NRXN3: variants seen among roughly 807,000 people sequenced by gnomAD.
NRXN3 encodes the protein neurexin III.
In NRXN3, 32 loss-of-function variants were observed where a neutral mutation model predicts 137.6. That is an observed-to-expected ratio of 0.23 (90% confidence interval 0.18 to 0.31). The LOEUF (loss-of-function observed/expected upper bound fraction) is 0.31, where lower values mean the gene tolerates loss of function less well. NRXN3 is among the 10% of genes least tolerant of loss of function. NRXN3 has a pLI of 1.00. For missense variants in NRXN3, 1,574 were observed against 2,062.5 expected, an observed-to-expected ratio of 0.76 and a Z score of 4.59; for synonymous variants, 798 against 784.5, an observed-to-expected ratio of 1.02 and a Z score of -0.29.
rs1321043032 is a variant in NRXN3 at position 79,772,776 on chromosome 14, T to C, written c.4015-32336T>C. On this transcript the variant is annotated intron_variant, in intron 19 of 20. Coordinates refer to ENST00000335750, the MANE Select transcript of NRXN3 (RefSeq NM_001330195.2). ...GGCAACCAAAGCCAAAATTGACAAA[T>C]GGGATCTAATTAAACTAAAGAGCTT... is the stretch of plus-strand genomic sequence containing the variant. Among the ~76,000 whole-genome samples the C allele has an allele frequency of 9.9e-5, 15 of 151,966 alleles. No homozygotes were observed. In the East Asian group the frequency reaches 2.9e-3, roughly 29 times the overall value.
intron 4 of NRXN3, among the ~76,000 whole-genome samples, chr14:78,341,765 A>C (rs1045794132): frequency 1.3e-4 from 20 of 152,166 alleles, no homozygotes; most frequent in African/African-American, 4.8e-4. Flanking sequence ...AATTATTCAG[A>C]TCTTCAACTA....
At chr14:79,105,312 T>C (rs2052203047) in intron 15 of NRXN3, among the ~76,000 whole-genome samples, 1 of 152,146 alleles carries the variant, frequency 6.6e-6, no homozygotes, top group Non-Finnish European at 1.5e-5. Flanking sequence ...AAAGAACTTC[T>C]TCAGTCACAC....
intron 6 of NRXN3, among the ~76,000 whole-genome samples, chr14:78,691,928 C>A (rs2098174391): frequency 1.3e-5 from 2 of 151,968 alleles, no homozygotes; most frequent in Non-Finnish European, 2.9e-5. Context: ...AAAAGCATGA[C>A]CAATAAACAA....
chr14:78,925,764 A>G (rs928413723), intron 10 of NRXN3, among the ~76,000 whole-genome samples: 4 of 152,150 alleles, frequency 2.6e-5, no homozygotes, highest in African/African-American at 7.2e-5. Context: ...CAGTCCTCAT[A>G]AAAACCCGCC....
chr14:78,879,961 C>CTGTTGTCA (rs1567594733), intron 10 of NRXN3, among the ~76,000 whole-genome samples: 2 of 151,138 alleles, frequency 1.3e-5, no homozygotes, highest in African/African-American at 4.9e-5. Flanking sequence ...AGAATTGGGC[C>CTGTTGTCA]GGGCGCGGTG....
At chr14:78,872,732 T>A (rs987877047) in intron 10 of NRXN3, among the ~76,000 whole-genome samples, 2 of 152,194 alleles carry the variant, frequency 1.3e-5, no homozygotes, top group African/African-American at 4.8e-5. Flanking sequence ...CAAGTCATTT[T>A]TTTTTAGTAA....
chr14:78,900,279 G>A (rs1400293139), intron 10 of NRXN3, among the ~76,000 whole-genome samples: 2 of 151,762 alleles, frequency 1.3e-5, no homozygotes, highest in Non-Finnish European at 2.9e-5. Context: ...GGCATCTCAG[G>A]ACCAAAATGC....
At chr14:79,385,213 C>CT (rs1385139902) in intron 15 of NRXN3, among the ~76,000 whole-genome samples, 3 of 122,390 alleles carry the variant, frequency 2.5e-5, no homozygotes, top group Non-Finnish European at 5.3e-5. Flanking sequence ...TTCCCCCCGC[C>CT]CCCACCCCAC....
chr14:79,502,251 T>A (rs1361413723), intron 16 of NRXN3, among the ~76,000 whole-genome samples: 1 of 152,156 alleles, frequency 6.6e-6, no homozygotes, highest in Non-Finnish European at 1.5e-5. Context: ...AACTTTCCCC[T>A]AAAACAGAAA....
At chr14:79,393,707 C>T (rs921205813) in intron 15 of NRXN3, among the ~76,000 whole-genome samples, 20 of 152,080 alleles carry the variant, frequency 1.3e-4, no homozygotes, top group East Asian at 5.8e-4. Context: ...CCCAGCTACT[C>T]GGGAGGCTGA....
At chr14:78,680,606 C>T (rs1386210203) in intron 6 of NRXN3, among the ~76,000 whole-genome samples, 1 of 152,102 alleles carries the variant, frequency 6.6e-6, no homozygotes, top group African/African-American at 2.4e-5. Context: ...TACATGAATG[C>T]AGTCTTCTAG....
intron 15 of NRXN3, among the ~76,000 whole-genome samples, chr14:79,293,157 T>C (rs1414556539): frequency 6.6e-6 from 1 of 152,168 alleles, no homozygotes; most frequent in Non-Finnish European, 1.5e-5. Flanking sequence ...CTGGTTAAAC[T>C]AATTATTATT....
At chr14:78,630,542 A>G (rs2097509208) in intron 4 of NRXN3, among the ~76,000 whole-genome samples, 1 of 151,888 alleles carries the variant, frequency 6.6e-6, no homozygotes. Flanking sequence ...ACAGTGCATA[A>G]ATTTAGCTTT....
At chr14:79,694,613 A>T (rs557285920) in intron 18 of NRXN3, among the ~76,000 whole-genome samples, 2 of 152,104 alleles carry the variant, frequency 1.3e-5, no homozygotes, top group African/African-American at 4.8e-5. Flanking sequence ...GAATAATGAG[A>T]TCTGGCATTG....
At chr14:78,332,643 T>C (rs1331175575) in intron 4 of NRXN3, among the ~76,000 whole-genome samples, 1 of 152,188 alleles carries the variant, frequency 6.6e-6, no homozygotes, top group African/African-American at 2.4e-5. Flanking sequence ...GCTGTCACAC[T>C]GCCCCCTTCC....
At chr14:79,599,054 C>A (rs906162363) in intron 16 of NRXN3, among the ~76,000 whole-genome samples, 4 of 152,212 alleles carry the variant, frequency 2.6e-5, no homozygotes, top group Non-Finnish European at 5.9e-5. Flanking sequence ...ATAACTTTCT[C>A]TCCTATGATA....
At chr14:78,784,063 A>AG (rs1253276287) in intron 8 of NRXN3, among the ~76,000 whole-genome samples, 1 of 109,866 alleles carries the variant, frequency 9.1e-6, no homozygotes, top group Non-Finnish European at 1.6e-5. Context: ...ATAACACATG[A>AG]GAAAAAAAAA....
At chr14:79,083,374 C>G (rs1488193231) in intron 15 of NRXN3, among the ~76,000 whole-genome samples, 20 of 152,128 alleles carry the variant, frequency 1.3e-4, no homozygotes, top group Non-Finnish European at 1.5e-5. Context: ...TGTACATTCT[C>G]AAAAACAAAG....
At position 78,913,140 on chromosome 14, in the gene NRXN3, G is replaced by A. The variant is rs79333205; in HGVS notation, c.2276-44102G>A. Among the ~76,000 whole-genome samples the A allele has an allele frequency of 0.022, 3,406 of 152,036 alleles. 413 individuals are homozygous for A. The East Asian group carries it at 0.37, about 16-fold the overall frequency. On this transcript the variant is annotated intron_variant, in intron 10 of 20. Transcript: ENST00000335750. ...TAAGATCTACTAAAGACAAGTACAGGTCGGAAAGTAAGCACAAAAATGAGA... is the reference window on the plus strand; with the variant it reads ...TAAGATCTACTAAAGACAAGTACAGATCGGAAAGTAAGCACAAAAATGAGA...
Sources: gnomAD v4.1 joint callset for allele counts (sites outside exome capture counted in the v4.1 genomes callset) on GRCh38, gnomAD v4.1.1 for gene constraint, MANE v1.5 for transcripts, NCBI Gene and HGNC (gene_info 2026-07-23, HGNC 2026-07-21) for gene names.